The following SPNS3 variants were observed in gnomAD, a reference collection of about 807,000 sequenced individuals.
SPNS3 encodes SPNS lysolipid transporter 3, sphingosine-1-phosphate (putative), also known as protein spinster homolog 3.
In SPNS3, 51 loss-of-function variants were observed where a neutral mutation model predicts 54.4. The observed-to-expected ratio is 0.94, with a 90% CI of 0.75 to 1.18. SPNS3 has a LOEUF of 1.18. Ranked by LOEUF, SPNS3 falls within the 50% of genes most tolerant of loss-of-function variation. SPNS3 has a pLI of 0.00. For synonymous variants in SPNS3, 309 were observed against 294.7 expected (o/e 1.05, Z -0.50); for missense variants, 669 against 677.4 (o/e 0.99, Z 0.14).
rs200481929 is a variant in SPNS3, at chr17:4,449,346, G to A, written c.882G>A (p.Leu294=). ...FLLEARVVHG[L]QPPCFQEPCS... ...TCGAGGCACGCGTGGTTCACGGGCT[G>A]CAGCCTCCCTGCTTCCAGGAGCCGT... The change falls in exon 7 of 12, where the codon CTG becomes CTA. Residue 294 remains leucine, a synonymous_variant. Coordinates refer to ENST00000355530, the MANE Select transcript of SPNS3 (RefSeq NM_182538.5). The A allele has an allele frequency of 3.7e-6, 6 of 1,608,388 alleles. No individual in the cohort carries two copies. The South Asian group carries it at 4.4e-5, about 12-fold the overall frequency.
chr17:4,436,213 G>A (rs1970715898), intron 1 of SPNS3, among the ~76,000 whole-genome samples: 1 of 152,170 alleles, frequency 6.6e-6, no homozygotes, highest in South Asian at 2.1e-4. Context: ...GAGGGTGCCT[G>A]CAGCTGCCAG....
At chr17:4,454,118 C>T (rs990826356) in intron 8 of SPNS3, among the ~76,000 whole-genome samples, 2 of 152,224 alleles carry the variant, frequency 1.3e-5, no homozygotes, top group African/African-American at 4.8e-5. Flanking sequence ...ATCCTCACAC[C>T]AGAATTCACG....
intron 8 of SPNS3, 23 bp from the exon 9 acceptor site, chr17:4,478,549 C>T (rs371339592): frequency 6.4e-7 from 1 of 1,557,818 alleles, no homozygotes; most frequent in South Asian, 1.2e-5. Context: ...GGAATCCTCA[C>T]CCAGGCCACC....
rs954937209 is a variant in SPNS3, at chr17:4,445,596, C to T, written c.402+428C>T. 7.9e-5 allele frequency among the ~76,000 whole-genome samples: 12 copies of T among 152,020 alleles called. 1 individual carries two copies. Among genetic ancestry groups the T allele is most frequent in the Non-Finnish European group, 1.6e-4 (11 of 67,992 alleles). On this transcript the variant is annotated intron_variant, in intron 3 of 11. Transcript: ENST00000355530. Reference sequence around the variant, plus strand: ...TTCACCATGTGGGCCAGGCTGGTCTCGAACTCCCAGCCTCAGGTGATCCAC... The same window carrying T: ...TTCACCATGTGGGCCAGGCTGGTCTTGAACTCCCAGCCTCAGGTGATCCAC...
intron 7 of SPNS3, among the ~76,000 whole-genome samples, chr17:4,450,605 T>C (rs959883537): frequency 1.4e-5 from 2 of 142,820 alleles, no homozygotes; most frequent in African/African-American, 2.9e-5. Flanking sequence ...ATTTTATTTA[T>C]TTTTTTTTGA....
rs764307699 is a variant in SPNS3, at chr17:4,449,379, C to A, written c.915C>A (p.Asn305Lys). Reference sequence around the variant, plus strand: ...CCTGCTTCCAGGAGCCGTGCAGCAACCCCGACAGGTGAGGGCATCCGGGGG... The same window carrying A: ...CCTGCTTCCAGGAGCCGTGCAGCAAACCCGACAGGTGAGGGCATCCGGGGG... ...QPPCFQEPCS[N>K]PDSLIFGALT... The change falls in exon 7 of 12, where the codon AAC becomes AAA. Residue 305 changes from asparagine (N) to lysine (K), a missense_variant. By Grantham distance (94) the Asn-to-Lys change is moderately conservative. Transcript: ENST00000355530. 16 of 1,597,328 alleles carry A rather than the reference C, an allele frequency of 1.0e-5. No individual in the cohort carries two copies. In the East Asian group the frequency reaches 2.5e-4, roughly 25 times the overall value.
At chr17:4,448,123 G>A (rs1307018920) in intron 5 of SPNS3, 32 bp from the exon 6 acceptor site, 1 of 1,555,288 alleles carries the variant, frequency 6.4e-7, no homozygotes, top group East Asian at 2.4e-5. Flanking sequence ...ATAATATGCG[G>A]CCCTGAGCTT....
intron 8 of SPNS3, among the ~76,000 whole-genome samples, chr17:4,462,800 T>C (rs866635479): frequency 1.3e-4 from 16 of 126,406 alleles, no homozygotes; most frequent in East Asian, 2.4e-4. Context: ...CATCCATCCA[T>C]CCACCAATCT....
Position 4,486,167 on chromosome 17 carries a change from G to T in SPNS3, c.1180-61G>T. ...CTCCAGGCAGGTCCTTGGCAGGTGG[G>T]GAACAGCAGGCAAGGGTGCCCTCAC... On this transcript the variant is annotated intron_variant, in intron 9 of 11. Coordinates refer to ENST00000355530, the MANE Select transcript of SPNS3 (RefSeq NM_182538.5). This position sits in a 1 kb window ranked among gnomAD's most constrained non-coding sequence, Gnocchi z 5.5. The T allele has an allele frequency of 7.0e-7, 1 of 1,432,162 alleles. No individual in the cohort carries two copies. Among genetic ancestry groups the T allele is most frequent in the Non-Finnish European group, 9.2e-7 (1 of 1,082,974 alleles). 88.7% of individuals were successfully genotyped at this position (1,432,162 alleles called of 1,614,324 possible).
At chr17:4,440,297 A>C (rs1275303312) in intron 2 of SPNS3, among the ~76,000 whole-genome samples, 1 of 152,124 alleles carries the variant, frequency 6.6e-6, no homozygotes, top group African/African-American at 2.4e-5. Flanking sequence ...ATGGTGACAC[A>C]CACCCACAGT....
chr17:4,481,052 G>T (rs1184552597), intron 9 of SPNS3, among the ~76,000 whole-genome samples: 1 of 152,134 alleles, frequency 6.6e-6, no homozygotes, highest in African/African-American at 2.4e-5. Context: ...GGTGAGGAGG[G>T]TGAGGGAGGG....
In SPNS3 at chr17:4,478,617, G is replaced by A; in HGVS notation, c.1159G>A (p.Val387Met). 6.3e-7 allele frequency: 1 copy of A among 1,590,348 alleles called. No homozygotes were observed. Residue 387 changes from valine (V) to methionine (M), a missense_variant, in exon 9 of 12, where the codon GTG (valine) becomes ATG (methionine). Transcript: ENST00000355530. ...GCTGCTTCTGTCCTGCAACTGGGCA[G>A]TGGTTGCCGACATCCTGCTGGTAGG... ...GELLLSCNWAVVADILLSVVV... is the reference protein window; with the variant it reads ...GELLLSCNWAMVADILLSVVV...
In SPNS3 at chr17:4,486,944, C is replaced by T. The variant is rs967607461; in HGVS notation, c.1450+361C>T. 1.3e-5 allele frequency among the ~76,000 whole-genome samples: 2 copies of T among 151,948 alleles called. No homozygotes were observed. Among genetic ancestry groups the T allele is most frequent in the East Asian group, 1.9e-4 (1 of 5,180 alleles). Reference sequence around the variant, plus strand: ...ATCCCAGTACTTGGGGAGGCCAAGGCGGGCGGATTACAAGGTTAGGAGTTC... The same window carrying T: ...ATCCCAGTACTTGGGGAGGCCAAGGTGGGCGGATTACAAGGTTAGGAGTTC... On this transcript the variant is annotated intron_variant, in intron 11 of 11. Transcript: ENST00000355530. This position sits in a 1 kb window ranked among gnomAD's most constrained non-coding sequence, Gnocchi z 5.5.
Position 4,449,405 on chromosome 17 carries a change from C to T in SPNS3, c.923+18C>T, listed in dbSNP as rs755727192. ...CCCGACAGGTGAGGGCATCCGGGGG[C>T]CCTGGGCACCTGGCCCGGCTCGGGG... is the stretch of plus-strand genomic sequence containing the variant. On this transcript the variant is annotated intron_variant, in intron 7 of 11. Coordinates refer to ENST00000355530, the MANE Select transcript of SPNS3 (RefSeq NM_182538.5). The T allele has an allele frequency of 3.2e-6, 5 of 1,560,928 alleles. No homozygotes were observed. The African/African-American group carries it at 4.1e-5, about 13-fold the overall frequency.
rs532108217 is a variant in SPNS3 at position 4,453,624 on chromosome 17, A to G, written c.1113+419A>G. Among the ~76,000 whole-genome samples, 93 of 151,704 alleles carry G rather than the reference A, an allele frequency of 6.1e-4. 2 individuals carry two copies. The South Asian group carries it at 0.019, about 30-fold the overall frequency. ...TGGAGCAAGACTCCATCTTGGGGGA[A>G]AAAAACAGAGAGAGAAGCTTACCAG... On this transcript the variant is annotated intron_variant, in intron 8 of 11. Coordinates refer to ENST00000355530, the MANE Select transcript of SPNS3 (RefSeq NM_182538.5).
In SPNS3 at chr17:4,461,139, T is replaced by A. The variant is rs377752681; in HGVS notation, c.1113+7934T>A. ...GTTAATCTAATTTGTTGGCACACAATAGTTTATATTATATAACAGTTCCTT... is the reference window on the plus strand; with the variant it reads ...GTTAATCTAATTTGTTGGCACACAAAAGTTTATATTATATAACAGTTCCTT... On this transcript the variant is annotated intron_variant, in intron 8 of 11. Coordinates refer to ENST00000355530, the MANE Select transcript of SPNS3 (RefSeq NM_182538.5). 2.4e-4 allele frequency among the ~76,000 whole-genome samples: 37 copies of A among 152,190 alleles called. No homozygotes were observed. In the South Asian group the frequency reaches 6.6e-3, roughly 27 times the overall value.
intron 2 of SPNS3, among the ~76,000 whole-genome samples, chr17:4,444,723 G>A (rs1970937380): frequency 1.3e-5 from 2 of 152,132 alleles, no homozygotes; most frequent in African/African-American, 4.8e-5. Context: ...TCCGCATTCA[G>A]TTCCCATCTC....
intron 8 of SPNS3, among the ~76,000 whole-genome samples, chr17:4,458,229 C>T (rs1971367189): frequency 6.6e-6 from 1 of 152,170 alleles, no homozygotes; most frequent in African/African-American, 2.4e-5. Flanking sequence ...GTCTCCGTGT[C>T]TTCCTGCTCA....
At chr17:4,448,338 A>C in intron 6 of SPNS3, 35 bp downstream of exon 6, 2 of 1,484,326 alleles carry the variant, frequency 1.3e-6, no homozygotes, top group Non-Finnish European at 1.8e-6. Flanking sequence ...AAGGCACAGA[A>C]AAGCCCGTTT....
Sources: gnomAD v4.1 joint callset for allele counts (sites outside exome capture counted in the v4.1 genomes callset) on GRCh38, gnomAD v4.1.1 for gene constraint, Gnocchi (gnomAD v3.1) non-coding constraint, MANE v1.5 for transcripts, NCBI Gene and HGNC (gene_info 2026-07-23, HGNC 2026-07-21) for gene names.